Variants in RNF8 observed in about 807,000 individuals in gnomAD.
RNF8 encodes the protein ring finger protein 8, also known as E3 ubiquitin-protein ligase RNF8.
A neutral mutation model predicts 59.3 loss-of-function variants in RNF8; 8 were observed. That is an observed-to-expected ratio of 0.13 (90% CI 0.08 to 0.24). The LOEUF (loss-of-function observed/expected upper bound fraction) is 0.24. Ranked by LOEUF, RNF8 falls within the 10% of genes least tolerant of loss-of-function variation. The pLI, the probability that RNF8 is intolerant of heterozygous loss-of-function variation, is 1.00. For missense variants in RNF8, 406 were observed against 572.6 expected (o/e 0.71, Z 2.97); for synonymous variants, 162 against 200.0 (o/e 0.81, Z 1.60).
rs148736677 is a variant in RNF8, at chr6:37,371,846, T to C, written c.1038+272T>C. On this transcript the variant is annotated intron_variant, in intron 4 of 7. Coordinates refer to ENST00000373479, the MANE Select transcript of RNF8 (RefSeq NM_003958.4). Reference sequence around the variant, plus strand: ...GAGCTTTAGCAGTTAAGAGGCTCTCTGGGGAAGTGGCTCCACTTCTAGAAA... The same window carrying C: ...GAGCTTTAGCAGTTAAGAGGCTCTCCGGGGAAGTGGCTCCACTTCTAGAAA... 2.6e-3 allele frequency among the ~76,000 whole-genome samples: 401 copies of C among 152,288 alleles called. 2 individuals are homozygous for C. The highest frequency in any genetic ancestry group is 9.0e-3 in the African/African-American group (376 of 41,564).
At chr6:37,359,589 A>T (rs562436664) in intron 1 of RNF8, among the ~76,000 whole-genome samples, 2 of 152,338 alleles carry the variant, frequency 1.3e-5, no homozygotes, top group Non-Finnish European at 2.9e-5. Context: ...CCTGCGCTTG[A>T]ATCCAAGGTT....
At chr6:37,366,817 T>C (rs953590638) in intron 2 of RNF8, among the ~76,000 whole-genome samples, 5 of 152,240 alleles carry the variant, frequency 3.3e-5, no homozygotes, top group Non-Finnish European at 5.9e-5. Flanking sequence ...ACTTAAGTCC[T>C]TGATACGGGT....
chr6:37,366,462 G>C (rs1769558211), intron 2 of RNF8, among the ~76,000 whole-genome samples: 1 of 152,198 alleles, frequency 6.6e-6, no homozygotes, highest in African/African-American at 2.4e-5. Flanking sequence ...TTCTCAGGCT[G>C]AATAGAAAGA....
rs56203665 is a variant in RNF8, at chr6:37,360,388, G to A, written c.112-58G>A. 19,898 of 1,604,252 alleles carry A rather than the reference G, an allele frequency of 0.012. 892 individuals carry two copies. The East Asian group carries it at 0.13, about 11-fold the overall frequency. ...CTGCTGGTTGATGAGATTTGTAAAGGACCTCCCTTTTCAGCACAATGACTG... is the reference window on the plus strand; with the variant it reads ...CTGCTGGTTGATGAGATTTGTAAAGAACCTCCCTTTTCAGCACAATGACTG... On this transcript the variant is annotated intron_variant, in intron 1 of 7. Coordinates refer to ENST00000373479, the MANE Select transcript of RNF8 (RefSeq NM_003958.4). The surrounding 1 kb of genome is among the most constrained non-coding windows in gnomAD (Gnocchi z 4.2).
intron 7 of RNF8, among the ~76,000 whole-genome samples, chr6:37,389,875 A>G (rs1770657088): frequency 1.3e-5 from 2 of 152,346 alleles, no homozygotes. Flanking sequence ...CCACCACCTC[A>G]AAGGCTACCC....
chr6:37,361,441 C>A, intron 2 of RNF8: 1 of 438,296 alleles, frequency 2.3e-6, no homozygotes, highest in South Asian at 1.6e-5. Context: ...CTGTGAATAG[C>A]CACTGCACTC....
chr6:37,354,099 C>A lies in RNF8; in HGVS notation c.-66C>A. ...TAGATATGGAAGCTGAGGGGATGCA[C>A]AGAGGCAGCCAGAACCTAGGTCAGG... On this transcript the variant is annotated 5_prime_UTR_variant, in exon 1 of 8. Coordinates refer to ENST00000373479, the MANE Select transcript of RNF8 (RefSeq NM_003958.4). The A allele has an allele frequency of 7.5e-7, 1 of 1,326,246 alleles. No homozygotes were observed. The highest frequency in any genetic ancestry group is 1.3e-5 in the South Asian group (1 of 79,622). The allele number at this position is 1,326,246 out of a possible 1,614,324, so 82.2% of individuals were successfully genotyped here. A position where few individuals can be genotyped will look rare whatever the true frequency, so the allele number is the denominator to read the frequency against.
rs965089490 is a variant in RNF8 at position 37,392,329 on chromosome 6, G to A, written c.*1571G>A. 7.8e-5 allele frequency: 31 copies of A among 397,352 alleles called. No homozygotes were observed. Among genetic ancestry groups the A allele is most frequent in the African/African-American group, 5.4e-4 (26 of 48,582 alleles). 24.6% of individuals were successfully genotyped at this position (397,352 alleles called of 1,614,324 possible). A position where few individuals can be genotyped will look rare whatever the true frequency, so the allele number is the denominator to read the frequency against. On this transcript the variant is annotated 3_prime_UTR_variant, in exon 8 of 8. Transcript: ENST00000373479. ...ATGTTCTGTGTTTAGTTTACATATT[G>A]TAATTCATTTTTAAGAGAGTACAGA... is the stretch of plus-strand genomic sequence containing the variant.
In RNF8 at chr6:37,371,454, G is replaced by A. The variant is rs143820073; in HGVS notation, c.976-58G>A. On this transcript the variant is annotated intron_variant, in intron 3 of 7. Transcript: ENST00000373479. ...GGTCTGCTCTGCTTGTTGCTGGATTGTGTTCCTTTTTTTCTTTTCCCTGCA... is the reference window on the plus strand; with the variant it reads ...GGTCTGCTCTGCTTGTTGCTGGATTATGTTCCTTTTTTTCTTTTCCCTGCA... 7.0e-4 allele frequency: 1,029 copies of A among 1,460,092 alleles called. 8 individuals carry two copies. The African/African-American group carries it at 0.011, about 15-fold the overall frequency. The allele number at this position is 1,460,092 out of a possible 1,614,324, so 90.4% of individuals were successfully genotyped here. A position where few individuals can be genotyped will look rare whatever the true frequency, so the allele number is the denominator to read the frequency against.
intron 2 of RNF8, among the ~76,000 whole-genome samples, chr6:37,364,145 C>T (rs1318099885): frequency 1.4e-5 from 2 of 141,488 alleles, no homozygotes; most frequent in South Asian, 2.3e-4. Context: ...GGCCATTGCA[C>T]TCCAGCCTGG....
At chr6:37,361,044 A>T in intron 2 of RNF8, 1 of 353,098 alleles carries the variant, frequency 2.8e-6, no homozygotes, top group South Asian at 2.1e-5. Flanking sequence ...AACATGTTTT[A>T]AATATTGGTG....
At position 37,369,506 on chromosome 6, in the gene RNF8, G is replaced by A. The variant is rs563751653; in HGVS notation, c.975+288G>A. ...AACTCATCCCAGGAGGCAAAGCTGA[G>A]GCAACTCAGAACCAACATGAATTCA... On this transcript the variant is annotated intron_variant, in intron 3 of 7. Transcript: ENST00000373479. Among the ~76,000 whole-genome samples, 17 of 152,330 alleles carry A rather than the reference G, an allele frequency of 1.1e-4. No homozygotes were observed. The South Asian group carries it at 3.5e-3, about 32-fold the overall frequency.
Position 37,374,705 on chromosome 6 carries a change from C to T in RNF8, c.1124C>T (p.Thr375Ile), listed in dbSNP as rs773239385. 1 of 1,612,686 alleles carries T rather than the reference C, an allele frequency of 6.2e-7. No homozygotes were observed. The highest frequency in any genetic ancestry group is 8.5e-7 in the Non-Finnish European group (1 of 1,178,810). The change falls in exon 5 of 8, where the codon ACC becomes ATC. Residue 375 changes from threonine (T) to isoleucine (I), a missense_variant. Physicochemically the swap from Thr to Ile is moderately conservative, Grantham distance 89 (BLOSUM62 -1). Around this residue, in one of 3 missense-constraint regions of RNF8, gnomAD observed 285 missense variants for 342.0 expected, o/e 0.83. Transcript: ENST00000373479. ...GCCAAGAACAAAGAATTAGAGCAGA[C>T]CAAGGTACTGGAAAGAAGATGGAAG... ...IQAKNKELEQ[T>I]KEEKEKMQAQ...
At chr6:37,359,256 C>T (rs765480929) in intron 1 of RNF8, 112 of 449,950 alleles carry the variant, frequency 2.5e-4, no homozygotes, top group Non-Finnish European at 4.2e-4. Context: ...CAACCTTTTC[C>T]GGAAGCTCTC....
chr6:37,388,633 G>GAGGGATGTGGGGC (rs918099393), intron 7 of RNF8, among the ~76,000 whole-genome samples: 1 of 152,102 alleles, frequency 6.6e-6, no homozygotes, highest in Non-Finnish European at 1.5e-5. Flanking sequence ...GATGGAAAAA[G>GAGGGATGTGGGGC]AGGGATGTGG....
chr6:37,354,252 C>T lies in RNF8; in HGVS notation c.88C>T (p.Leu30=), dbSNP rs948931223. ...GCGGGTGGGGATGAGCGCCGGGTGG[C>T]TGCTGCTGGAAGATGGGTGCGAGGT... ...LRRVGMSAGW[L]LLEDGCEVTV... Residue 30 remains leucine, a synonymous_variant, in exon 1 of 8, where the codon CTG becomes TTG. Coordinates refer to ENST00000373479, the MANE Select transcript of RNF8 (RefSeq NM_003958.4). 2.2e-5 allele frequency: 34 copies of T among 1,567,772 alleles called. No homozygotes were observed. Among genetic ancestry groups the T allele is most frequent in the African/African-American group, 2.7e-5 (2 of 73,968 alleles).
intron 2 of RNF8, among the ~76,000 whole-genome samples, chr6:37,364,089 G>A (rs1282031026): frequency 1.4e-5 from 2 of 146,958 alleles, no homozygotes; most frequent in Non-Finnish European, 3.0e-5. Context: ...TGAGGCAGGA[G>A]AATGGCATGA....
intron 6 of RNF8, among the ~76,000 whole-genome samples, chr6:37,379,520 C>G (rs2113829830): frequency 6.6e-6 from 1 of 152,158 alleles, no homozygotes; most frequent in East Asian, 1.9e-4. Flanking sequence ...ACAAGAGTAA[C>G]AAAGAAAAAG....
rs1411107051 is a variant in RNF8 at position 37,390,861 on chromosome 6, T to C, written c.*103T>C. ...TGACTCCGCTGCTCTGAAGGTCAAC[T>C]GAGAAGTCTTGTGGGACAGAGACTT... On this transcript the variant is annotated 3_prime_UTR_variant, in exon 8 of 8. Transcript: ENST00000373479. 2 of 1,602,396 alleles carry C rather than the reference T, an allele frequency of 1.2e-6. No individual in the cohort carries two copies. The highest frequency in any genetic ancestry group is 1.3e-5 in the African/African-American group (1 of 74,792).
Sources: allele counts gnomAD v4.1 joint callset (sites outside exome capture counted in the v4.1 genomes callset), GRCh38; gene constraint gnomAD v4.1.1; regional missense constraint gnomAD v4.1.1; non-coding constraint Gnocchi (gnomAD v3.1); transcripts MANE v1.5; gene names NCBI Gene and HGNC (gene_info 2026-07-23, HGNC 2026-07-21).